Variants in RIN3 observed in about 807,000 individuals in gnomAD.
The protein encoded by RIN3 is Ras and Rab interactor 3, also known as RAB5 interacting protein 3.
RIN3 carries 54 observed loss-of-function variants against 76.3 expected under a neutral mutation model. That is an observed-to-expected ratio of 0.71 (90% CI 0.57 to 0.89). The LOEUF (loss-of-function observed/expected upper bound fraction) is 0.89, where lower values mean the gene tolerates loss of function less well. Ranked by LOEUF, RIN3 falls within the 40% of genes least tolerant of loss-of-function variation. The pLI is 0.00. For synonymous variants in RIN3, 576 were observed against 564.0 expected (o/e 1.02, Z -0.30); for missense variants, 1,256 against 1,322.1 (o/e 0.95, Z 0.78).
At chr14:92,517,685 C>T (rs1172580694) in intron 1 of RIN3, among the ~76,000 whole-genome samples, 1 of 152,184 alleles carries the variant, frequency 6.6e-6, no homozygotes, top group Non-Finnish European at 1.5e-5. Flanking sequence ...ACCAGGAAGT[C>T]GAATTTCTCC....
intron 4 of RIN3, among the ~76,000 whole-genome samples, chr14:92,628,035 T>A (rs1356965990): frequency 6.6e-6 from 1 of 152,168 alleles, no homozygotes; most frequent in Non-Finnish European, 1.5e-5. Flanking sequence ...CAATCTAGGC[T>A]AATTCCGATT....
At chr14:92,628,133 G>A (rs1267908944) in intron 4 of RIN3, among the ~76,000 whole-genome samples, 1 of 152,210 alleles carries the variant, frequency 6.6e-6, no homozygotes, top group Non-Finnish European at 1.5e-5. Flanking sequence ...TTTAGGCACA[G>A]TGGAGATAGG....
chr14:92,654,860 G>A (rs897807534), intron 6 of RIN3, among the ~76,000 whole-genome samples: 7 of 152,186 alleles, frequency 4.6e-5, no homozygotes, highest in African/African-American at 1.7e-4. Flanking sequence ...TATCAGAGGT[G>A]ACAGGCAATC....
intron 1 of RIN3, among the ~76,000 whole-genome samples, chr14:92,528,325 G>A (rs564361807): frequency 3.9e-5 from 6 of 152,328 alleles, no homozygotes; most frequent in Admixed American, 1.3e-4. Context: ...AGAACAGTAC[G>A]GTGTGGTGGT....
chr14:92,536,378 A>G (rs1896999812), intron 1 of RIN3, among the ~76,000 whole-genome samples: 1 of 152,170 alleles, frequency 6.6e-6, no homozygotes, highest in Admixed American at 6.5e-5. Flanking sequence ...GTGATGTGTA[A>G]TGTTTATATC....
chr14:92,555,284 G>A (rs1030019863), intron 1 of RIN3, among the ~76,000 whole-genome samples: 1 of 152,152 alleles, frequency 6.6e-6, no homozygotes, highest in African/African-American at 2.4e-5. Context: ...GTTGAACTGT[G>A]CTTCTGTTAC....
rs769344608 is a variant in RIN3, at chr14:92,688,201, C to T, written c.2907C>T (p.Gly969=). The change falls in exon 10 of 10, where the codon GGC becomes GGT. Residue 969 remains glycine (G), a synonymous_variant. Transcript: ENST00000216487. ...VYRPLDGGGG[G]GGGSPPCLVV... The stretch of plus-strand genomic sequence containing the variant: ...GGCCCCTGGACGGTGGTGGCGGCGG[C>T]GGCGGCGGGAGCCCGCCCTGCCTGG... 1.8e-5 allele frequency: 29 copies of T among 1,605,396 alleles called. 1 individual carries two copies. The South Asian group carries it at 2.0e-4, about 11-fold the overall frequency.
chr14:92,617,907 AG>A (rs571995399), intron 4 of RIN3, among the ~76,000 whole-genome samples: 88 of 152,364 alleles, frequency 5.8e-4, no homozygotes, highest in Admixed American at 9.1e-4. Context: ...GCCTGTCATA[AG>A]GGATATATTG....
At chr14:92,604,400 T>C (rs1461910601) in intron 3 of RIN3, among the ~76,000 whole-genome samples, 4 of 152,242 alleles carry the variant, frequency 2.6e-5, no homozygotes, top group Non-Finnish European at 4.4e-5. Context: ...CTCTCACCCA[T>C]CTGGGTAATA....
chr14:92,631,107 G>T (rs1402825530), intron 4 of RIN3, among the ~76,000 whole-genome samples: 1 of 152,186 alleles, frequency 6.6e-6, no homozygotes, highest in East Asian at 1.9e-4. Context: ...TGTCAGCCCT[G>T]GCGTTTAGTT....
At chr14:92,595,186 A>G (rs748266883) in intron 3 of RIN3, among the ~76,000 whole-genome samples, 1 of 152,202 alleles carries the variant, frequency 6.6e-6, no homozygotes, top group Admixed American at 6.5e-5. Context: ...ACACAGTGTA[A>G]TCAGGGCTCT....
Position 92,688,512 on chromosome 14 carries a change from A to C in RIN3, c.*260A>C. 1 of 524,760 alleles carries C rather than the reference A, an allele frequency of 1.9e-6. No homozygotes were observed. The highest frequency in any genetic ancestry group is 3.4e-6 in the Non-Finnish European group (1 of 296,566). The allele number at this position is 524,760 out of a possible 1,614,324, so 32.5% of individuals were successfully genotyped here. A position where few individuals can be genotyped will look rare whatever the true frequency, so the allele number is the denominator to read the frequency against. The stretch of plus-strand genomic sequence containing the variant: ...AAAGGGAAACTGAGGCTCAGGAGAG[A>C]GGCGCTCCAGGCCGCTGCAGCCAAC... On this transcript the variant is annotated 3_prime_UTR_variant, in exon 10 of 10. Coordinates refer to ENST00000216487, the MANE Select transcript of RIN3 (RefSeq NM_024832.5).
At position 92,659,644 on chromosome 14, in the gene RIN3, A is replaced by T. The variant is rs1239459474; in HGVS notation, c.2335+175A>T. 14 of 550,262 alleles carry T rather than the reference A, an allele frequency of 2.5e-5. No individual in the cohort carries two copies. In the Admixed American group the frequency reaches 4.4e-4, roughly 17 times the overall value. The allele number at this position is 550,262 out of a possible 1,614,324, so 34.1% of individuals were successfully genotyped here. ...GTAATTCCTGGGCCCTCTTGGAGTTACCTGGGGACTGGGAGGAGAGCCATG... is the reference window on the plus strand; with the variant it reads ...GTAATTCCTGGGCCCTCTTGGAGTTTCCTGGGGACTGGGAGGAGAGCCATG... On this transcript the variant is annotated intron_variant, in intron 7 of 9. Coordinates refer to ENST00000216487, the MANE Select transcript of RIN3 (RefSeq NM_024832.5).
intron 3 of RIN3, among the ~76,000 whole-genome samples, chr14:92,587,829 G>A (rs1884832171): frequency 6.6e-6 from 1 of 152,070 alleles, no homozygotes; most frequent in Non-Finnish European, 1.5e-5. Flanking sequence ...TAGTCTATTT[G>A]TGCTGCTTTA....
At chr14:92,635,468 A>T (rs1282692376) in intron 4 of RIN3, among the ~76,000 whole-genome samples, 1 of 152,202 alleles carries the variant, frequency 6.6e-6, no homozygotes, top group African/African-American at 2.4e-5. Context: ...GCTGCGGAAA[A>T]GGGGATCAGT....
intron 2 of RIN3, among the ~76,000 whole-genome samples, chr14:92,558,312 G>A (rs564092823): frequency 6.6e-6 from 1 of 152,252 alleles, no homozygotes; most frequent in Admixed American, 6.5e-5. Context: ...TCACGCCACT[G>A]TACTCCAGCC....
chr14:92,637,405 C>T (rs1467637039), intron 4 of RIN3, among the ~76,000 whole-genome samples: 6 of 152,104 alleles, frequency 3.9e-5, no homozygotes, highest in African/African-American at 1.2e-4. Flanking sequence ...TGTATGCGAG[C>T]GATGGGGAGC....
chr14:92,591,487 T>G (rs919872471), intron 3 of RIN3, among the ~76,000 whole-genome samples: 2 of 151,770 alleles, frequency 1.3e-5, no homozygotes, highest in African/African-American at 4.8e-5. Context: ...GCTAGGAAGG[T>G]CAGAAAACAC....
chr14:92,652,231 G>T lies in RIN3; in HGVS notation c.1182G>T (p.Arg394Ser). The T allele has an allele frequency of 6.2e-7, 1 of 1,609,622 alleles. No homozygotes were observed. Among genetic ancestry groups the T allele is most frequent in the Non-Finnish European group, 8.5e-7 (1 of 1,177,232 alleles). ...CTCCCAGACGCCGCGTTTCCGAGAG[G>T]GTGTCCTTAGAAGACCAAAGTCCGG... ...TAPPRRRVSERVSLEDQSPGM... is the reference protein window; with the variant it reads ...TAPPRRRVSESVSLEDQSPGM... Residue 394 changes from arginine to serine, a missense_variant, in exon 6 of 10, where the codon AGG becomes AGT. Around this residue, in one of 3 missense-constraint regions of RIN3, gnomAD observed 610 missense variants for 626.4 expected, o/e 0.97. Coordinates refer to ENST00000216487, the MANE Select transcript of RIN3 (RefSeq NM_024832.5). The surrounding 1 kb of genome is among the most constrained non-coding windows in gnomAD (Gnocchi z 6.4).
Sources: gnomAD v4.1 joint callset for allele counts (sites outside exome capture counted in the v4.1 genomes callset) on GRCh38, gnomAD v4.1.1 for gene constraint, gnomAD v4.1.1 regional missense constraint, Gnocchi (gnomAD v3.1) non-coding constraint, MANE v1.5 for transcripts, NCBI Gene and HGNC (gene_info 2026-07-23, HGNC 2026-07-21) for gene names.